Variants in RPRD1B observed in about 807,000 individuals in gnomAD.
RPRD1B encodes regulation of nuclear pre-mRNA domain-containing protein 1B.
In RPRD1B, 11 loss-of-function variants were observed where a neutral mutation model predicts 41.5. That is an observed-to-expected ratio of 0.27 (90% CI 0.17 to 0.44). RPRD1B has a LOEUF of 0.44. Ranked by LOEUF, RPRD1B falls within the 20% of genes least tolerant of loss-of-function variation. The pLI is 1.00. For missense variants in RPRD1B, 248 were observed against 389.9 expected, an observed-to-expected ratio of 0.64 and a Z score of 3.06; for synonymous variants, 158 against 155.6, an observed-to-expected ratio of 1.02 and a Z score of -0.12.
chr20:38,083,113 A>G (rs2074529761), intron 6 of RPRD1B, among the ~76,000 whole-genome samples: 1 of 152,244 alleles, frequency 6.6e-6, no homozygotes, highest in Non-Finnish European at 1.5e-5. Flanking sequence ...ACAAAAATCA[A>G]TAATCTGGCT....
At chr20:38,046,208 T>C (rs904525805) in intron 2 of RPRD1B, among the ~76,000 whole-genome samples, 2 of 151,728 alleles carry the variant, frequency 1.3e-5, no homozygotes, top group Non-Finnish European at 2.9e-5. Context: ...TAAAAACAGG[T>C]CTGAGGGATT....
chr20:38,061,998 G>A (rs562999760), intron 5 of RPRD1B, among the ~76,000 whole-genome samples: 1 of 152,296 alleles, frequency 6.6e-6, no homozygotes, highest in African/African-American at 2.4e-5. Context: ...AGAGGGCCCA[G>A]TGTAATCACA....
intron 2 of RPRD1B, among the ~76,000 whole-genome samples, chr20:38,047,467 A>G (rs1020564837): frequency 3.2e-4 from 48 of 152,154 alleles, no homozygotes; most frequent in African/African-American, 1.1e-3. Context: ...TAAGATGTCG[A>G]GGTATCCCTT....
intron 3 of RPRD1B, among the ~76,000 whole-genome samples, chr20:38,057,330 C>T (rs778392639): frequency 4.6e-5 from 7 of 152,240 alleles, no homozygotes; most frequent in Non-Finnish European, 8.8e-5. Context: ...TCTGAGATGA[C>T]GGACAAAGAC....
intron 6 of RPRD1B, among the ~76,000 whole-genome samples, chr20:38,088,684 A>C (rs978621322): frequency 6.6e-6 from 1 of 152,242 alleles, no homozygotes; most frequent in South Asian, 2.1e-4. Flanking sequence ...AAGAAAAAAA[A>C]TATGCCCCAT....
chr20:38,052,532 T>C (rs2074196146), intron 3 of RPRD1B, among the ~76,000 whole-genome samples: 1 of 152,170 alleles, frequency 6.6e-6, no homozygotes, highest in South Asian at 2.1e-4. Flanking sequence ...AAAATGTCCT[T>C]TATTATGCAG....
intron 5 of RPRD1B, among the ~76,000 whole-genome samples, chr20:38,062,849 T>A (rs931967617): frequency 8.1e-6 from 1 of 123,154 alleles, no homozygotes; most frequent in Non-Finnish European, 1.6e-5. Flanking sequence ...TTTTTTTTTT[T>A]TTTTGAGATA....
chr20:38,068,560 G>A (rs930298440), intron 6 of RPRD1B, among the ~76,000 whole-genome samples: 2 of 152,182 alleles, frequency 1.3e-5, no homozygotes, highest in South Asian at 2.1e-4. Flanking sequence ...TACCACGCCC[G>A]GCTAATTTTT....
At position 38,090,598 on chromosome 20, in the gene RPRD1B, C is replaced by A; in HGVS notation, c.*723C>A. On this transcript the variant is annotated 3_prime_UTR_variant, in exon 7 of 7. Coordinates refer to ENST00000373433, the MANE Select transcript of RPRD1B (RefSeq NM_021215.4). ...TTTATTTGCTTCAAGTTCCTAGATA[C>A]AACCTTCCCATGCTGCACTTCTCCA... The A allele has an allele frequency of 7.1e-6, 7 of 985,542 alleles. No individual in the cohort carries two copies. In the South Asian group the frequency reaches 1.4e-4, roughly 20 times the overall value. The allele number at this position is 985,542 out of a possible 1,614,324, so 61.0% of individuals were successfully genotyped here. A position where few individuals can be genotyped will look rare whatever the true frequency, so the allele number is the denominator to read the frequency against.
At chr20:38,086,502 T>C (rs548632308) in intron 6 of RPRD1B, among the ~76,000 whole-genome samples, 3 of 152,334 alleles carry the variant, frequency 2.0e-5, no homozygotes, top group Admixed American at 2.0e-4. Flanking sequence ...CTCAGTGTTT[T>C]GTGTTTTTCA....
intron 1 of RPRD1B, 24 bp downstream of exon 1, chr20:38,034,122 T>C (rs1179123506): frequency 1.9e-6 from 3 of 1,604,796 alleles, no homozygotes; most frequent in Non-Finnish European, 2.6e-6. Flanking sequence ...CCCCACCCCC[T>C]GGACGGTCCC....
intron 6 of RPRD1B, among the ~76,000 whole-genome samples, chr20:38,066,684 C>G (rs2074360316): frequency 1.3e-5 from 2 of 151,978 alleles, no homozygotes; most frequent in Admixed American, 6.5e-5. Flanking sequence ...GAGACGCAGT[C>G]TCGCTCCGTC....
intron 6 of RPRD1B, chr20:38,070,796 A>C (rs988840114): frequency 1.4e-5 from 13 of 916,704 alleles, no homozygotes; most frequent in African/African-American, 7.8e-5. Context: ...GCTAGAGTGC[A>C]GTAGAGCAAT....
At chr20:38,079,200 T>C (rs1339739206) in intron 6 of RPRD1B, among the ~76,000 whole-genome samples, 1 of 152,162 alleles carries the variant, frequency 6.6e-6, no homozygotes, top group African/African-American at 2.4e-5. Flanking sequence ...GTTTGTCACA[T>C]GTTATATCCT....
chr20:38,048,430 A>G lies in RPRD1B; in HGVS notation c.364A>G (p.Ile122Val), dbSNP rs749839848. 1.2e-6 allele frequency: 2 copies of G among 1,613,996 alleles called. No individual in the cohort carries two copies. The highest frequency in any genetic ancestry group is 1.7e-6 in the Non-Finnish European group (2 of 1,179,846). ...ACGAAGTGTGTATGGCGGCGAGTTCATACAGCAGCTGAAGCTGTCTATGGA... is the reference window on the plus strand; with the variant it reads ...ACGAAGTGTGTATGGCGGCGAGTTCGTACAGCAGCTGAAGCTGTCTATGGA... ...QERSVYGGEF[I>V]QQLKLSMEDS... Residue 122 changes from isoleucine (I) to valine (V), a missense_variant, in exon 3 of 7, where the codon ATA (isoleucine) becomes GTA (valine). Coordinates refer to ENST00000373433, the MANE Select transcript of RPRD1B (RefSeq NM_021215.4).
At chr20:38,064,800 A>G (rs2074336119) in intron 5 of RPRD1B, among the ~76,000 whole-genome samples, 1 of 152,166 alleles carries the variant, frequency 6.6e-6, no homozygotes, top group East Asian at 1.9e-4. Context: ...CCTGGCTAAC[A>G]CAGTGAAACC....
rs1381401769 is a variant in RPRD1B at position 38,033,832 on chromosome 20, G to A, written c.-116G>A. ...CCCCTTCTCGCACCCCTGGCAGTCT[G>A]TCAGTCGGTAAAAAGTCCCGCAGCC... On this transcript the variant is annotated 5_prime_UTR_variant, in exon 1 of 7. Coordinates refer to ENST00000373433, the MANE Select transcript of RPRD1B (RefSeq NM_021215.4). 1 of 1,059,966 alleles carries A rather than the reference G, an allele frequency of 9.4e-7. No individual in the cohort carries two copies. The allele number at this position is 1,059,966 out of a possible 1,614,324, so 65.7% of individuals were successfully genotyped here.
rs910279349 is a variant in RPRD1B at position 38,066,289 on chromosome 20, A to G, written c.831+33A>G. ...CATTGAAGGCAGACCCAGACTGCCC[A>G]CGTTTCCCTTCCTGTAGCCCACATT... On this transcript the variant is annotated intron_variant, in intron 6 of 6. Coordinates refer to ENST00000373433, the MANE Select transcript of RPRD1B (RefSeq NM_021215.4). 2.5e-6 allele frequency: 4 copies of G among 1,594,098 alleles called. No homozygotes were observed. The Admixed American group carries it at 6.8e-5, about 27-fold the overall frequency.
At chr20:38,077,699 GTCA>G (rs1298752920) in intron 6 of RPRD1B, among the ~76,000 whole-genome samples, 1 of 152,058 alleles carries the variant, frequency 6.6e-6, no homozygotes, top group African/African-American at 2.4e-5. Context: ...AGTCCACTCT[GTCA>G]TCATCTGTCC....
Sources: gnomAD v4.1 joint callset for allele counts (sites outside exome capture counted in the v4.1 genomes callset) on GRCh38, gnomAD v4.1.1 for gene constraint, MANE v1.5 for transcripts, NCBI Gene and HGNC (gene_info 2026-07-23, HGNC 2026-07-21) for gene names.